Variants in DLGAP1 observed in about 807,000 individuals in gnomAD.
DLGAP1 encodes DLG associated protein 1, also known as disks large-associated protein 1.
A neutral mutation model predicts 90.8 loss-of-function variants in DLGAP1; 11 were observed. The observed-to-expected ratio is 0.12, with a 90% CI of 0.08 to 0.20. The LOEUF (loss-of-function observed/expected upper bound fraction) is 0.20. DLGAP1 is among the 10% of genes least tolerant of loss of function. The pLI is 1.00. For synonymous variants in DLGAP1, 558 were observed against 540.7 expected (o/e 1.03, Z -0.44); for missense variants, 1,050 against 1,333.8 (o/e 0.79, Z 3.31).
At chr18:3,502,400 G>A (rs1201855758) in intron 12 of DLGAP1, 93 bp downstream of exon 12, 3 of 1,556,082 alleles carry the variant, frequency 1.9e-6, no homozygotes, top group East Asian at 2.3e-5. Context: ...ATTTCACATT[G>A]TAAACAGCAG....
chr18:4,039,239 A>G, intron 2 of DLGAP1, among the ~76,000 whole-genome samples: 1 of 152,192 alleles, frequency 6.6e-6, no homozygotes, highest in East Asian at 1.9e-4. Context: ...TTACTTATTT[A>G]TAGTTATTCC....
chr18:4,141,963 TTGGTCCCTGG>T (rs1369367844), intron 2 of DLGAP1, among the ~76,000 whole-genome samples: 1 of 152,118 alleles, frequency 6.6e-6, no homozygotes, highest in Non-Finnish European at 1.5e-5. Context: ...ATCTCTAGGA[TTGGTCCCTGG>T]TGACTTATTT....
intron 1 of DLGAP1, among the ~76,000 whole-genome samples, chr18:4,334,295 G>A (rs2081021972): frequency 6.6e-6 from 1 of 151,778 alleles, no homozygotes; most frequent in African/African-American, 2.4e-5. Flanking sequence ...TCATATGTTA[G>A]TCTAGTCTCT....
chr18:4,033,459 T>C (rs1183296286), intron 2 of DLGAP1, among the ~76,000 whole-genome samples: 2 of 152,178 alleles, frequency 1.3e-5, no homozygotes, highest in East Asian at 1.9e-4. Flanking sequence ...CTTGCTATTA[T>C]GGGAAATGTA....
At chr18:3,751,554 C>A (rs547680338) in intron 5 of DLGAP1, among the ~76,000 whole-genome samples, 58 of 148,946 alleles carry the variant, frequency 3.9e-4, no homozygotes, top group African/African-American at 1.4e-3. Context: ...TGTGACCCGA[C>A]AAAATTTTTT....
chr18:3,670,096 CAACAA>C (rs963457540), intron 7 of DLGAP1, among the ~76,000 whole-genome samples: 24 of 152,074 alleles, frequency 1.6e-4, no homozygotes, highest in Non-Finnish European at 3.1e-4. Flanking sequence ...TATTGTTTTA[CAACAA>C]AACAAAACAA....
chr18:4,295,351 A>G (rs1199132743), intron 1 of DLGAP1: 1 of 152,170 alleles, frequency 6.6e-6, no homozygotes, highest in Non-Finnish European at 1.5e-5. Flanking sequence ...CAGTAGCCTA[A>G]TGGTGTTCCC....
rs2071076948 is a variant in DLGAP1 at position 3,879,087 on chromosome 18, C to T, written c.957+25G>A. The T allele has an allele frequency of 6.8e-7, 1 of 1,476,084 alleles. No individual in the cohort carries two copies. The highest frequency in any genetic ancestry group is 1.4e-5 in the African/African-American group (1 of 70,610). The allele number at this position is 1,476,084 out of a possible 1,614,324, so 91.4% of individuals were successfully genotyped here. ...AAGCATGCCAGGTACTACTTCTAAG[C>T]CTCCATCATTGACAGAAATGGTACC... On this transcript the variant is annotated intron_variant, in intron 4 of 12. Coordinates refer to ENST00000315677, the MANE Select transcript of DLGAP1 (RefSeq NM_004746.4). The surrounding 1 kb of genome is among the most constrained non-coding windows in gnomAD (Gnocchi z 6.6).
intron 1 of DLGAP1, among the ~76,000 whole-genome samples, chr18:4,229,414 T>C (rs891007883): frequency 1.3e-5 from 2 of 152,074 alleles, no homozygotes; most frequent in Admixed American, 6.6e-5. Context: ...TAGCATTATC[T>C]GACTTCAAAT....
intron 7 of DLGAP1, among the ~76,000 whole-genome samples, chr18:3,715,356 A>G (rs2061727707): frequency 6.6e-6 from 1 of 152,242 alleles, no homozygotes; most frequent in Non-Finnish European, 1.5e-5. Context: ...GGCTGCAATG[A>G]ATGTCACCAG....
rs566277960 is a variant in DLGAP1, at chr18:3,915,142, T to C, written c.-72-35002A>G. Among the ~76,000 whole-genome samples the C allele has an allele frequency of 2.6e-5, 4 of 152,336 alleles. No individual in the cohort carries two copies. The East Asian group carries it at 7.7e-4, about 29-fold the overall frequency. ...ATGTTGATCATTTTTTATATGCCTG[T>C]TTGCCATTTGTATGTCTTCTTTTGA... On this transcript the variant is annotated intron_variant, in intron 3 of 12. Transcript: ENST00000315677.
intron 7 of DLGAP1, among the ~76,000 whole-genome samples, chr18:3,643,465 C>A (rs181442377): frequency 1.3e-5 from 2 of 151,814 alleles, no homozygotes; most frequent in Non-Finnish European, 2.9e-5. Flanking sequence ...AGATCGAGAC[C>A]ATCCTGGCTA....
At chr18:3,790,600 A>C (rs2065687950) in intron 5 of DLGAP1, among the ~76,000 whole-genome samples, 1 of 152,164 alleles carries the variant, frequency 6.6e-6, no homozygotes. Context: ...AAAATGAATA[A>C]GTTGGATTAG....
In DLGAP1 at chr18:3,880,107, G is replaced by T; in HGVS notation, c.-39C>A. The T allele has an allele frequency of 6.3e-7, 1 of 1,581,500 alleles. No individual in the cohort carries two copies. Among genetic ancestry groups the T allele is most frequent in the Non-Finnish European group, 8.6e-7 (1 of 1,166,412 alleles). ...CAGCCGCCAGGGTCATGGACACCCG[G>T]AAGTCAGGCTCCAGACCCGTCTTGG... is the stretch of plus-strand genomic sequence containing the variant. On this transcript the variant is annotated 5_prime_UTR_variant, in exon 4 of 13. Coordinates refer to ENST00000315677, the MANE Select transcript of DLGAP1 (RefSeq NM_004746.4).
In DLGAP1 at chr18:3,565,306, G is replaced by A. The variant is rs1216084319; in HGVS notation, c.2057+2184C>T. 6.6e-6 allele frequency among the ~76,000 whole-genome samples: 1 copy of A among 151,858 alleles called. No homozygotes were observed. The highest frequency in any genetic ancestry group is 2.4e-5 in the African/African-American group (1 of 41,382). ...TGGGATTACAGGAACCCACCACCACGCACAGCTAATTTTTGTAATTTTTTA... is the reference window on the plus strand; with the variant it reads ...TGGGATTACAGGAACCCACCACCACACACAGCTAATTTTTGTAATTTTTTA... On this transcript the variant is annotated intron_variant, in intron 9 of 12. Transcript: ENST00000315677. This position sits in a 1 kb window ranked among gnomAD's most constrained non-coding sequence, Gnocchi z 4.0.
intron 3 of DLGAP1, among the ~76,000 whole-genome samples, chr18:3,947,306 C>G (rs1471505641): frequency 6.6e-6 from 1 of 152,168 alleles, no homozygotes. Context: ...TTACCTTAAC[C>G]ACAAACTAGG....
intron 9 of DLGAP1, among the ~76,000 whole-genome samples, chr18:3,544,210 C>T (rs59394247): frequency 0.18 from 26,727 of 151,988 alleles, 2,539 homozygotes; most frequent in East Asian, 0.27. Context: ...GCCAACATGG[C>T]GAAACCTGTC....
intron 4 of DLGAP1, among the ~76,000 whole-genome samples, chr18:3,853,541 G>C (rs2069461520): frequency 6.6e-6 from 1 of 151,526 alleles, no homozygotes; most frequent in Non-Finnish European, 1.5e-5. Context: ...CATAGCTGAG[G>C]GGTGTAGGAG....
chr18:3,822,968 A>G (rs2067503920), intron 4 of DLGAP1, among the ~76,000 whole-genome samples: 1 of 152,212 alleles, frequency 6.6e-6, no homozygotes, highest in Non-Finnish European at 1.5e-5. Context: ...CAACACAGTG[A>G]GACAAGATAT....
Sources: gnomAD v4.1 joint callset for allele counts (sites outside exome capture counted in the v4.1 genomes callset) on GRCh38, gnomAD v4.1.1 for gene constraint, Gnocchi (gnomAD v3.1) non-coding constraint, MANE v1.5 for transcripts, NCBI Gene and HGNC (gene_info 2026-07-23, HGNC 2026-07-21) for gene names.